CADPS2: variants seen among roughly 807,000 people sequenced by gnomAD.
The protein encoded by CADPS2 is calcium dependent secretion activator 2.
CADPS2 carries 93 observed loss-of-function variants against 172.5 expected under a neutral mutation model. The ratio of observed to expected loss-of-function variants is 0.54; its 90% CI spans 0.46 to 0.64. The LOEUF (loss-of-function observed/expected upper bound fraction) is 0.64. Ranked by LOEUF, CADPS2 falls within the 30% of genes least tolerant of loss-of-function variation. The pLI, the probability that CADPS2 is intolerant of heterozygous loss-of-function variation, is 0.00. For missense variants in CADPS2, 1,420 were observed against 1,565.9 expected, an observed-to-expected ratio of 0.91 and a Z score of 1.57; for synonymous variants, 546 against 555.2, an observed-to-expected ratio of 0.98 and a Z score of 0.23.
At position 122,625,882 on chromosome 7, in the gene CADPS2, G is replaced by T. The variant is rs190543881; in HGVS notation, c.867+3366C>A. On this transcript the variant is annotated intron_variant, in intron 4 of 29. Coordinates refer to ENST00000449022, the MANE Select transcript of CADPS2 (RefSeq NM_017954.11). ...TATTTATTATATCTACCTAGATATT[G>T]GTCTAGATATATGAAAATACAGATA... is the stretch of plus-strand genomic sequence containing the variant. Among the ~76,000 whole-genome samples, 380 of 151,822 alleles carry T rather than the reference G, an allele frequency of 2.5e-3. 1 individual carries two copies. The highest frequency in any genetic ancestry group is 8.3e-3 in the African/African-American group (344 of 41,358).
intron 8 of CADPS2, among the ~76,000 whole-genome samples, chr7:122,527,181 A>G (rs1326100425): frequency 6.6e-6 from 1 of 152,126 alleles, no homozygotes; most frequent in Non-Finnish European, 1.5e-5. Context: ...GTGAATGATG[A>G]AAACATTAAG....
At chr7:122,328,884 G>A (rs2034417854) in intron 28 of CADPS2, among the ~76,000 whole-genome samples, 1 of 152,100 alleles carries the variant, frequency 6.6e-6, no homozygotes, top group Non-Finnish European at 1.5e-5. Context: ...CAAATCAACA[G>A]GAGCACGGAA....
intron 7 of CADPS2, among the ~76,000 whole-genome samples, chr7:122,564,847 G>GCACACACACA (rs113078322): frequency 1.1e-3 from 157 of 145,520 alleles, no homozygotes; most frequent in African/African-American, 3.7e-3. Context: ...ACACACACAT[G>GCACACACACA]CACACACACA....
At chr7:122,802,393 G>A (rs535281742) in intron 1 of CADPS2, among the ~76,000 whole-genome samples, 1 of 152,288 alleles carries the variant, frequency 6.6e-6, no homozygotes, top group Admixed American at 6.5e-5. Context: ...TGCGTCACAT[G>A]CTGTGTACCT....
At chr7:122,789,721 C>A (rs1429232989) in intron 1 of CADPS2, among the ~76,000 whole-genome samples, 3 of 152,164 alleles carry the variant, frequency 2.0e-5, no homozygotes, top group Non-Finnish European at 4.4e-5. Context: ...AAGGGAAACA[C>A]TAATAATTTG....
intron 8 of CADPS2, among the ~76,000 whole-genome samples, chr7:122,542,144 T>C (rs922328302): frequency 1.3e-5 from 2 of 151,934 alleles, no homozygotes; most frequent in Non-Finnish European, 2.9e-5. Flanking sequence ...TTGGTGATTG[T>C]CATATTCAAT....
At chr7:122,719,713 A>G (rs2090137154) in intron 2 of CADPS2, among the ~76,000 whole-genome samples, 1 of 152,154 alleles carries the variant, frequency 6.6e-6, no homozygotes, top group African/African-American at 2.4e-5. Context: ...TATGTGATAT[A>G]ATAATTTTTA....
chr7:122,364,413 TAA>T (rs916412439), intron 25 of CADPS2, among the ~76,000 whole-genome samples: 1,291 of 77,854 alleles, frequency 0.017, 26 homozygotes, highest in African/African-American at 0.064. Context: ...TGTCTCAAGT[TAA>T]AAAAAAAAAA....
intron 3 of CADPS2, among the ~76,000 whole-genome samples, chr7:122,660,895 G>A (rs2080454953): frequency 6.6e-6 from 1 of 151,998 alleles, no homozygotes; most frequent in Non-Finnish European, 1.5e-5. Flanking sequence ...GGACAACAGA[G>A]GAAGACTTCG....
At chr7:122,321,251 C>G (rs1307906866) in intron 29 of CADPS2, among the ~76,000 whole-genome samples, 1 of 152,128 alleles carries the variant, frequency 6.6e-6, no homozygotes, top group African/African-American at 2.4e-5. Context: ...ACTGCAGCCT[C>G]GACCTCCCAG....
intron 9 of CADPS2, among the ~76,000 whole-genome samples, chr7:122,511,654 T>C (rs763410842): frequency 7.9e-5 from 12 of 152,158 alleles, no homozygotes; most frequent in South Asian, 2.1e-4. Flanking sequence ...ACATTAGCCA[T>C]TGAAATCATG....
chr7:122,380,557 A>C (rs773577806), intron 24 of CADPS2, among the ~76,000 whole-genome samples: 4 of 151,734 alleles, frequency 2.6e-5, no homozygotes, highest in African/African-American at 4.8e-5. Flanking sequence ...CAGGAATGAC[A>C]CTCCACCCCT....
intron 22 of CADPS2, among the ~76,000 whole-genome samples, chr7:122,390,836 T>A (rs2044273581): frequency 6.6e-6 from 1 of 152,004 alleles, no homozygotes; most frequent in South Asian, 2.1e-4. Flanking sequence ...AAGGTATTAT[T>A]AACAGATTAA....
intron 2 of CADPS2, among the ~76,000 whole-genome samples, chr7:122,671,324 G>A (rs1588294105): frequency 6.6e-6 from 1 of 152,192 alleles, no homozygotes; most frequent in Admixed American, 6.5e-5. Flanking sequence ...TGGTTTGGAT[G>A]GTTAAACCAA....
intron 1 of CADPS2, among the ~76,000 whole-genome samples, chr7:122,836,557 T>C (rs1040317604): frequency 6.6e-6 from 1 of 152,016 alleles, no homozygotes; most frequent in African/African-American, 2.4e-5. Context: ...GAGACACACA[T>C]AGGCTCAAAA....
rs1304567085 is a variant in CADPS2, at chr7:122,529,493, T to C, written c.1476-16178A>G. 3.3e-5 allele frequency among the ~76,000 whole-genome samples: 5 copies of C among 152,054 alleles called. 1 individual carries two copies. The highest frequency in any genetic ancestry group is 2.0e-4 in the Admixed American group (3 of 15,234). On this transcript the variant is annotated intron_variant, in intron 8 of 29. Coordinates refer to ENST00000449022, the MANE Select transcript of CADPS2 (RefSeq NM_017954.11). Reference sequence around the variant, plus strand: ...ACTAGAAATCTGTTACATGAACTTGTAGAGGAACAATACTAATTAATAGAA... The same window carrying C: ...ACTAGAAATCTGTTACATGAACTTGCAGAGGAACAATACTAATTAATAGAA...
At chr7:122,631,374 T>A (rs576669795) in intron 3 of CADPS2, among the ~76,000 whole-genome samples, 14 of 152,302 alleles carry the variant, frequency 9.2e-5, no homozygotes, top group African/African-American at 3.4e-4. Flanking sequence ...CTTACTTAAG[T>A]GTAAGTGAAA....
chr7:122,366,660 C>T (rs2040916749), intron 25 of CADPS2: 8 of 128,374 alleles, frequency 6.2e-5, no homozygotes, highest in Non-Finnish European at 3.3e-5. Flanking sequence ...TATATACATA[C>T]ACACATACAT....
At chr7:122,356,321 T>C (rs1037832560) in intron 27 of CADPS2, among the ~76,000 whole-genome samples, 2 of 152,190 alleles carry the variant, frequency 1.3e-5, no homozygotes, top group Non-Finnish European at 2.9e-5. Context: ...TTTTGATGAT[T>C]AGACTGCAGT....
Sources: allele counts gnomAD v4.1 joint callset (sites outside exome capture counted in the v4.1 genomes callset), GRCh38; gene constraint gnomAD v4.1.1; transcripts MANE v1.5; gene names NCBI Gene and HGNC (gene_info 2026-07-23, HGNC 2026-07-21).